ATP13A4: variants seen among roughly 807,000 people sequenced by gnomAD.
ATP13A4 encodes the protein probable cation-transporting ATPase 13A4.
In ATP13A4, 114 loss-of-function variants were observed where a neutral mutation model predicts 142.5. The ratio of observed to expected loss-of-function variants is 0.80; its 90% confidence interval spans 0.69 to 0.93. ATP13A4 has a LOEUF of 0.93. Among genes scored for constraint, ATP13A4 ranks in the 40% least tolerant of loss-of-function variants. The pLI is 0.00. For synonymous variants in ATP13A4, 488 were observed against 514.8 expected, an observed-to-expected ratio of 0.95 and a Z score of 0.70; for missense variants, 1,392 against 1,454.0, an observed-to-expected ratio of 0.96 and a Z score of 0.69.
intron 1 of ATP13A4, among the ~76,000 whole-genome samples, chr3:193,540,337 C>A (rs1722817780): frequency 6.6e-6 from 1 of 151,790 alleles, no homozygotes; most frequent in Non-Finnish European, 1.5e-5. Context: ...CATACTTCTC[C>A]GTGATGGTGA....
At chr3:193,526,110 G>C (rs190012776) in intron 1 of ATP13A4, among the ~76,000 whole-genome samples, 1 of 152,058 alleles carries the variant, frequency 6.6e-6, no homozygotes, top group South Asian at 2.1e-4. Flanking sequence ...GAAATGATAC[G>C]GATATATCTT....
At chr3:193,570,588 CT>C (rs536082368) in intron 2 of ATP13A4, among the ~76,000 whole-genome samples, 30 of 152,100 alleles carry the variant, frequency 2.0e-4, no homozygotes, top group Non-Finnish European at 4.0e-4. Context: ...GGATAAAGGA[CT>C]GGAATAGAGG....
intron 25 of ATP13A4, among the ~76,000 whole-genome samples, chr3:193,430,433 A>C (rs543589077): frequency 6.6e-5 from 10 of 152,254 alleles, no homozygotes; most frequent in Non-Finnish European, 1.0e-4. Flanking sequence ...CTGGGTGAGG[A>C]GAAGCAGGCA....
Position 193,408,977 on chromosome 3 carries a change from T to C in ATP13A4, c.3298-1584A>G, listed in dbSNP as rs576312788. 1.3e-5 allele frequency among the ~76,000 whole-genome samples: 2 copies of C among 152,336 alleles called. 1 individual carries two copies. Among genetic ancestry groups the C allele is most frequent in the Admixed American group, 1.3e-4 (2 of 15,300 alleles). On this transcript the variant is annotated intron_variant, in intron 28 of 29. Coordinates refer to ENST00000342695, the MANE Select transcript of ATP13A4 (RefSeq NM_032279.4). The stretch of plus-strand genomic sequence containing the variant: ...ATATAATAGTTTTCTACTGTTTATG[T>C]AAAAATGTGGAAGAAGAATATACAA...
At chr3:193,447,352 G>C (rs1438549186) in intron 18 of ATP13A4, among the ~76,000 whole-genome samples, 2 of 152,120 alleles carry the variant, frequency 1.3e-5, no homozygotes, top group African/African-American at 4.8e-5. Flanking sequence ...TAGAACAGGG[G>C]ACAGAGAAGT....
chr3:193,573,132 GT>G (rs1724306259), intron 2 of ATP13A4, among the ~76,000 whole-genome samples: 1 of 150,446 alleles, frequency 6.6e-6, no homozygotes, highest in African/African-American at 2.5e-5. Context: ...CACCGACATG[GT>G]TTAAATGTTC....
rs142897769 is a variant in ATP13A4 at position 193,468,441 on chromosome 3, G to A, written c.944-955C>T. ...AGCTGGCAGTGGGGATAGAAAGGAAGCACTGCATTCAGGAAACAAGGAAGT... is the reference window on the plus strand; with the variant it reads ...AGCTGGCAGTGGGGATAGAAAGGAAACACTGCATTCAGGAAACAAGGAAGT... On this transcript the variant is annotated intron_variant, in intron 9 of 29. Coordinates refer to ENST00000342695, the MANE Select transcript of ATP13A4 (RefSeq NM_032279.4). Among the ~76,000 whole-genome samples, 183 of 152,214 alleles carry A rather than the reference G, an allele frequency of 1.2e-3. 1 individual carries two copies. Among genetic ancestry groups the A allele is most frequent in the African/African-American group, 4.3e-3 (177 of 41,536 alleles).
At chr3:193,404,150 A>T in intron 29 of ATP13A4, 10 of 985,382 alleles carry the variant, frequency 1.0e-5, no homozygotes, top group Non-Finnish European at 1.2e-5. Context: ...ACGTGAAAAC[A>T]GTAGTTCTTC....
intron 17 of ATP13A4, 113 bp from the exon 18 acceptor site, chr3:193,448,443 C>T: frequency 7.4e-7 from 1 of 1,360,202 alleles, no homozygotes. Flanking sequence ...TCAAGTCATT[C>T]TCCTGCCTCA....
rs1347852557 is a variant in ATP13A4, at chr3:193,582,658, T to A, written n.92-752A>T. Among the ~76,000 whole-genome samples the A allele has an allele frequency of 2.8e-4, 11 of 39,910 alleles. 1 individual carries two copies. The highest frequency in any genetic ancestry group is 1.5e-3 in the African/African-American group (10 of 6,686). 26.2% of individuals were successfully genotyped at this position (39,910 alleles called of 152,430 possible). ...ACATTATATATGTATATTACATACA[T>A]TATATATGTATATTACATATATATT... On this transcript the variant is annotated intron_variant and non_coding_transcript_variant, in intron 1 of 3. Coordinates refer to the ATP13A4 transcript ENST00000489140.
At chr3:193,406,133 G>C (rs575425550) in intron 29 of ATP13A4, among the ~76,000 whole-genome samples, 1 of 152,132 alleles carries the variant, frequency 6.6e-6, no homozygotes, top group African/African-American at 2.4e-5. Flanking sequence ...GACACACTGC[G>C]GGTAGGGCTG....
chr3:193,570,430 CT>C (rs1328252530), intron 2 of ATP13A4, among the ~76,000 whole-genome samples: 8 of 152,118 alleles, frequency 5.3e-5, no homozygotes, highest in African/African-American at 1.4e-4. Context: ...TATTTTATTT[CT>C]TAATTATTTA....
At chr3:193,500,569 G>A (rs113152048) in intron 3 of ATP13A4, among the ~76,000 whole-genome samples, 3 of 152,196 alleles carry the variant, frequency 2.0e-5, no homozygotes, top group African/African-American at 7.2e-5. Flanking sequence ...TCCCTCACAT[G>A]CGCAGTTCAC....
chr3:193,477,536 T>G (rs1437720709), intron 8 of ATP13A4, among the ~76,000 whole-genome samples: 2 of 152,064 alleles, frequency 1.3e-5, no homozygotes, highest in Admixed American at 1.3e-4. Context: ...GGATGAGAAT[T>G]ATCTTCCCAC....
intron 1 of ATP13A4, among the ~76,000 whole-genome samples, chr3:193,517,682 C>T (rs1721499415): frequency 2.0e-5 from 3 of 149,196 alleles, no homozygotes; most frequent in South Asian, 4.2e-4. Flanking sequence ...GACGGGGTTT[C>T]ACCGTGTTGG....
At position 193,474,810 on chromosome 3, in the gene ATP13A4, C is replaced by T. The variant is rs79445986; in HGVS notation, c.809-3817G>A. Among the ~76,000 whole-genome samples, 17 of 151,736 alleles carry T rather than the reference C, an allele frequency of 1.1e-4. No individual in the cohort carries two copies. In the East Asian group the frequency reaches 2.7e-3, roughly 24 times the overall value. On this transcript the variant is annotated intron_variant, in intron 8 of 29. Transcript: ENST00000342695. ...GAAAAGGAGTACATGAAAGGATGTG[C>T]GGGTCATGATCATGGAGCTACATGT...
chr3:193,493,743 C>G (rs1720074804), intron 3 of ATP13A4, among the ~76,000 whole-genome samples: 1 of 152,034 alleles, frequency 6.6e-6, no homozygotes, highest in African/African-American at 2.4e-5. Flanking sequence ...TAAACTGAAA[C>G]CAAAGTATTG....
chr3:193,549,427 TATATATAGAGAG>T (rs1723414395), intron 1 of ATP13A4, among the ~76,000 whole-genome samples: 1 of 141,866 alleles, frequency 7.0e-6, no homozygotes, highest in Admixed American at 6.9e-5. Context: ...AATATATATA[TATATATAGAGAG>T]AGAGAGAGAG....
chr3:193,573,859 C>T (rs2108742871), intron 2 of ATP13A4, among the ~76,000 whole-genome samples: 1 of 152,252 alleles, frequency 6.6e-6, no homozygotes, highest in South Asian at 2.1e-4. Context: ...AGGTCTCTTC[C>T]AGAAACTTCA....
Sources: allele counts gnomAD v4.1 joint callset (sites outside exome capture counted in the v4.1 genomes callset), GRCh38; gene constraint gnomAD v4.1.1; transcripts MANE v1.5; gene names NCBI Gene and HGNC (gene_info 2026-07-23, HGNC 2026-07-21).